Variants in NEO1 observed in about 807,000 individuals in gnomAD.
NEO1 encodes the protein neogenin.
A neutral mutation model predicts 159.7 loss-of-function variants in NEO1; 63 were observed. That is an observed-to-expected ratio of 0.39 (90% CI 0.32 to 0.49). NEO1 has a LOEUF of 0.49. NEO1 is among the 20% of genes least tolerant of loss of function. The pLI is 0.85. For synonymous variants in NEO1, 633 were observed against 662.0 expected, an observed-to-expected ratio of 0.96 and a Z score of 0.67; for missense variants, 1,615 against 1,831.0, an observed-to-expected ratio of 0.88 and a Z score of 2.15.
At chr15:73,119,042 G>T (rs1467569909) in intron 2 of NEO1, among the ~76,000 whole-genome samples, 1 of 151,998 alleles carries the variant, frequency 6.6e-6, no homozygotes, top group Non-Finnish European at 1.5e-5. Flanking sequence ...TAGTTTGTCA[G>T]TTCCTCAAAA....
intron 7 of NEO1, among the ~76,000 whole-genome samples, chr15:73,178,913 A>G (rs1036914859): frequency 3.9e-5 from 6 of 152,318 alleles, no homozygotes; most frequent in South Asian, 2.1e-4. Flanking sequence ...CCTGACTACT[A>G]TATATCAAAC....
At chr15:73,091,738 CTTTTT>C (rs11320847) in intron 1 of NEO1, among the ~76,000 whole-genome samples, 1 of 127,448 alleles carries the variant, frequency 7.8e-6, no homozygotes, top group African/African-American at 3.0e-5. Flanking sequence ...TAATTTTACA[CTTTTT>C]TTTTTTTTTT....
intron 7 of NEO1, among the ~76,000 whole-genome samples, chr15:73,195,408 C>T (rs534135670): frequency 6.6e-6 from 1 of 152,142 alleles, no homozygotes; most frequent in South Asian, 2.1e-4. Flanking sequence ...TTCCATGCTG[C>T]GTCTGTGTGT....
In NEO1 at chr15:73,303,900, A is replaced by G. The variant is rs1028761880; in HGVS notation, c.*1204A>G. The G allele has an allele frequency of 2.0e-5, 3 of 152,324 alleles. No individual in the cohort carries two copies. The highest frequency in any genetic ancestry group is 4.1e-4 in the South Asian group (2 of 4,820). The allele number at this position is 152,324 out of a possible 1,614,324, so 9.4% of individuals were successfully genotyped here. ...CTTTGAGGAAGTTGGAGGTTAAGGA[A>G]GGAACTTGTTTGTTTCCGTATACGA... On this transcript the variant is annotated 3_prime_UTR_variant, in exon 29 of 29. Coordinates refer to ENST00000261908, the MANE Select transcript of NEO1 (RefSeq NM_002499.4).
rs1053815629 is a variant in NEO1 at position 73,176,553 on chromosome 15, T to C, written c.1166T>C (p.Ile389Thr). 3.7e-6 allele frequency: 6 copies of C among 1,604,830 alleles called. No homozygotes were observed. Among genetic ancestry groups the C allele is most frequent in the Non-Finnish European group, 5.1e-6 (6 of 1,176,338 alleles). Residue 389 changes from isoleucine (I) to threonine (T), a missense_variant, in exon 6 of 29, where the codon ATT becomes ACT. Coordinates refer to ENST00000261908, the MANE Select transcript of NEO1 (RefSeq NM_002499.4). Reference sequence around the variant, plus strand: ...GTTATCCCAAGTGATTATTTTAAGATTGTAGTAAGTATTTTTCAAAGAAGT... The same window carrying C: ...GTTATCCCAAGTGATTATTTTAAGACTGTAGTAAGTATTTTTCAAAGAAGT... ...DMVIPSDYFKIVKEHNLQVLG... is the reference protein window; with the variant it reads ...DMVIPSDYFKTVKEHNLQVLG...
At chr15:73,136,313 T>C (rs927544830) in intron 5 of NEO1, among the ~76,000 whole-genome samples, 7 of 152,190 alleles carry the variant, frequency 4.6e-5, no homozygotes, top group East Asian at 1.9e-4. Flanking sequence ...CTAATACTTA[T>C]AAAACCCCTG....
chr15:73,130,312 C>CT (rs910949496), intron 4 of NEO1, among the ~76,000 whole-genome samples: 1 of 149,136 alleles, frequency 6.7e-6, no homozygotes, highest in Non-Finnish European at 1.5e-5. Flanking sequence ...TTTCCCGCCC[C>CT]CCCCGCCGCA....
At position 73,258,853 on chromosome 15, in the gene NEO1, A is replaced by C. The variant is rs1350976919; in HGVS notation, c.2180A>C (p.Glu727Ala). The C allele has an allele frequency of 6.2e-7, 1 of 1,613,886 alleles. No homozygotes were observed. The highest frequency in any genetic ancestry group is 1.1e-5 in the South Asian group (1 of 91,072). Reference sequence around the variant, plus strand: ...CCGGCAACTGACTGGCTGTCTGCTGAAACTTTTGAAAGTGACCTAGATGGT... The same window carrying C: ...CCGGCAACTGACTGGCTGTCTGCTGCAACTTTTGAAAGTGACCTAGATGGT... ...TGPATDWLSA[E>A]TFESDLDETR... The change falls in exon 14 of 29, where the codon GAA becomes GCA. Residue 727 changes from glutamate to alanine, a missense_variant. By Grantham distance (107) the Glu-to-Ala change is moderately radical (BLOSUM62 -1). This residue lies in a region of NEO1 where 1,018 missense variants were observed against 1,115.4 expected (regional missense o/e 0.91). Coordinates refer to ENST00000261908, the MANE Select transcript of NEO1 (RefSeq NM_002499.4).
intron 1 of NEO1, among the ~76,000 whole-genome samples, chr15:73,114,005 C>T (rs1236452066): frequency 6.6e-6 from 1 of 152,132 alleles, no homozygotes; most frequent in Admixed American, 6.6e-5. Context: ...GGGAACCTCT[C>T]TACTTTAACT....
In NEO1 at chr15:73,281,155, C is replaced by T. The variant is rs187319427; in HGVS notation, c.3263-1809C>T. 5.4e-3 allele frequency among the ~76,000 whole-genome samples: 757 copies of T among 139,912 alleles called. 10 individuals carry two copies. The highest frequency in any genetic ancestry group is 0.019 in the African/African-American group (727 of 38,518). The allele number at this position is 139,912 out of a possible 152,430, so 91.8% of individuals were successfully genotyped here. The stretch of plus-strand genomic sequence containing the variant: ...CCAGAGGGGCGGAGCTTGCAGTGAG[C>T]GGAGATTGTGCCACTGTACTCCAGC... On this transcript the variant is annotated intron_variant, in intron 22 of 28. Coordinates refer to ENST00000261908, the MANE Select transcript of NEO1 (RefSeq NM_002499.4).
chr15:73,182,069 TG>T (rs939335135), intron 7 of NEO1, among the ~76,000 whole-genome samples: 1 of 151,708 alleles, frequency 6.6e-6, no homozygotes, highest in African/African-American at 2.4e-5. Flanking sequence ...ACATCTTATA[TG>T]GATGGCAGCA....
At chr15:73,247,424 CTGT>C (rs2039853567) in intron 9 of NEO1, among the ~76,000 whole-genome samples, 1 of 152,132 alleles carries the variant, frequency 6.6e-6, no homozygotes, top group African/African-American at 2.4e-5. Context: ...AATTTAGGGA[CTGT>C]TTTGTTTTTC....
At chr15:73,221,152 C>T (rs1279871162) in intron 7 of NEO1, among the ~76,000 whole-genome samples, 1 of 152,196 alleles carries the variant, frequency 6.6e-6, no homozygotes, top group Non-Finnish European at 1.5e-5. Flanking sequence ...ACAGACAGGA[C>T]CCTCAGCTGC....
chr15:73,060,103 T>A (rs2067906658), intron 1 of NEO1, among the ~76,000 whole-genome samples: 1 of 152,204 alleles, frequency 6.6e-6, no homozygotes, highest in South Asian at 2.1e-4. Context: ...GCATTATAAT[T>A]TACAAATTTA....
In NEO1 at chr15:73,301,318, C is replaced by T; in HGVS notation, c.4166-3C>T. Reference sequence around the variant, plus strand: ...CATATCTGATGGTGCCCTTTCCCCTCAGCTCTGAACCATCACATTCACTCA... The same window carrying T: ...CATATCTGATGGTGCCCTTTCCCCTTAGCTCTGAACCATCACATTCACTCA... On this transcript the variant is annotated splice_region_variant and splice_polypyrimidine_tract_variant and intron_variant, in intron 27 of 28. Coordinates refer to ENST00000261908, the MANE Select transcript of NEO1 (RefSeq NM_002499.4). 2 of 1,614,200 alleles carry T rather than the reference C, an allele frequency of 1.2e-6. No individual in the cohort carries two copies. Among genetic ancestry groups the T allele is most frequent in the Non-Finnish European group, 1.7e-6 (2 of 1,180,030 alleles).
At chr15:73,099,442 AAC>A (rs150639246) in intron 1 of NEO1, among the ~76,000 whole-genome samples, 1,818 of 152,336 alleles carry the variant, frequency 0.012, 12 homozygotes, top group Non-Finnish European at 0.02. Flanking sequence ...GGATTTTTCT[AAC>A]ACATCTGTTT....
At chr15:73,056,664 C>G (rs56402186) in intron 1 of NEO1, among the ~76,000 whole-genome samples, 1 of 151,892 alleles carries the variant, frequency 6.6e-6, no homozygotes, top group South Asian at 2.1e-4. Flanking sequence ...GTGTGTGGGC[C>G]CCCCCTGCCC....
intron 3 of NEO1, among the ~76,000 whole-genome samples, chr15:73,123,156 CAAAA>C (rs746634085): frequency 1.0e-5 from 1 of 96,124 alleles, no homozygotes; most frequent in Non-Finnish European, 2.2e-5. Context: ...GACTCCATCT[CAAAA>C]AAAAAAAAAA....
At position 73,289,226 on chromosome 15, in the gene NEO1, C is replaced by A. The variant is rs750889847; in HGVS notation, c.3730C>A (p.Gln1244Lys). ...RPKMMMPFDSQPPQPVISAHP... is the reference protein window; with the variant it reads ...RPKMMMPFDSKPPQPVISAHP... ...AAAAATGATGATGCCCTTTGACTCCCAGCCACCCCAGCGTAAGTAGAAGCA... is the reference window on the plus strand; with the variant it reads ...AAAAATGATGATGCCCTTTGACTCCAAGCCACCCCAGCGTAAGTAGAAGCA... Residue 1244 changes from glutamine (Q) to lysine (K), a missense_variant, in exon 25 of 29, where the codon CAG becomes AAG. By Grantham distance (53) the Gln-to-Lys change is moderately conservative (BLOSUM62 1). Transcript: ENST00000261908. 3.1e-6 allele frequency: 5 copies of A among 1,613,932 alleles called. No homozygotes were observed. The African/African-American group carries it at 5.3e-5, about 17-fold the overall frequency.
Sources: allele counts gnomAD v4.1 joint callset (sites outside exome capture counted in the v4.1 genomes callset), GRCh38; gene constraint gnomAD v4.1.1; regional missense constraint gnomAD v4.1.1; transcripts MANE v1.5; gene names NCBI Gene and HGNC (gene_info 2026-07-23, HGNC 2026-07-21).